The following KANSL1L variants were observed in gnomAD, a reference collection of about 807,000 sequenced individuals.
The protein encoded by KANSL1L is KAT8 regulatory NSL complex subunit 1 like.
In KANSL1L, 25 loss-of-function variants were observed where a neutral mutation model predicts 108.6. That is an observed-to-expected ratio of 0.23 (90% confidence interval 0.17 to 0.32). The LOEUF (loss-of-function observed/expected upper bound fraction) is 0.32, where lower values mean the gene tolerates loss of function less well. KANSL1L is among the 10% of genes least tolerant of loss of function. The pLI is 1.00. For synonymous variants in KANSL1L, 405 were observed against 395.1 expected (o/e 1.03, Z -0.30); for missense variants, 1,137 against 1,125.7 (o/e 1.01, Z -0.14).
At position 210,028,957 on chromosome 2, in the gene KANSL1L, G is replaced by A. The variant is rs969909279; in HGVS notation, c.2284C>T (p.Arg762Trp). The A allele has an allele frequency of 6.8e-6, 11 of 1,610,206 alleles. No homozygotes were observed. Among genetic ancestry groups the A allele is most frequent in the South Asian group, 2.2e-5 (2 of 90,602 alleles). The change falls in exon 11 of 15, where the codon CGG becomes TGG. Residue 762 changes from arginine to tryptophan, a missense_variant. Transcript: ENST00000281772. ...TAAGAGCTCTCACTTCTCAATCTCC[G>A]TCGTGCAGTATTCTGCAAAACAGGA... is the stretch of plus-strand genomic sequence containing the variant. ...IQNSSRNTARRRLRSESSYDI... is the reference protein window; with the variant it reads ...IQNSSRNTARWRLRSESSYDI...
intron 5 of KANSL1L, among the ~76,000 whole-genome samples, chr2:210,089,587 A>C (rs16844119): frequency 0.013 from 2,054 of 152,314 alleles, 59 homozygotes; most frequent in African/African-American, 0.047. Flanking sequence ...AAAATGTCTA[A>C]GTAAACAAAA....
At chr2:210,150,363 T>C (rs2125628750) in intron 2 of KANSL1L, among the ~76,000 whole-genome samples, 1 of 152,356 alleles carries the variant, frequency 6.6e-6, no homozygotes, top group Middle Eastern at 3.4e-3. Context: ...TCATTTGAAT[T>C]TCACCATTTC....
At chr2:210,168,071 C>T (rs1444031173) in intron 1 of KANSL1L, among the ~76,000 whole-genome samples, 1 of 152,084 alleles carries the variant, frequency 6.6e-6, no homozygotes, top group Non-Finnish European at 1.5e-5. Context: ...GATTCAGGGT[C>T]ATCATGATGT....
intron 1 of KANSL1L, among the ~76,000 whole-genome samples, chr2:210,162,622 G>C (rs778100145): frequency 1.3e-5 from 2 of 151,930 alleles, no homozygotes; most frequent in Non-Finnish European, 2.9e-5. Flanking sequence ...TATAAGCAAA[G>C]AGAAAGGAGC....
chr2:210,033,143 G>A (rs1328170641), intron 8 of KANSL1L, among the ~76,000 whole-genome samples: 1 of 152,092 alleles, frequency 6.6e-6, no homozygotes, highest in African/African-American at 2.4e-5. Flanking sequence ...GAAAAGGAGG[G>A]AATAGTTGAA....
At chr2:210,047,141 A>G (rs2094233228) in intron 6 of KANSL1L, among the ~76,000 whole-genome samples, 1 of 152,016 alleles carries the variant, frequency 6.6e-6, no homozygotes, top group Admixed American at 6.5e-5. Flanking sequence ...GCTTCTGTAG[A>G]GAGGGCTGAT....
chr2:210,114,492 G>A (rs769176008), intron 3 of KANSL1L, among the ~76,000 whole-genome samples: 1 of 152,016 alleles, frequency 6.6e-6, no homozygotes, highest in Non-Finnish European at 1.5e-5. Context: ...AATGAAAGAC[G>A]TAGATAGTAA....
chr2:210,093,334 C>T (rs535654640), intron 5 of KANSL1L, among the ~76,000 whole-genome samples: 3 of 152,172 alleles, frequency 2.0e-5, no homozygotes, highest in Non-Finnish European at 2.9e-5. Context: ...TTAGTAGAGG[C>T]GGGGTTTTGC....
chr2:210,068,107 A>G (rs1330681306), intron 6 of KANSL1L, among the ~76,000 whole-genome samples: 1 of 151,952 alleles, frequency 6.6e-6, no homozygotes, highest in Non-Finnish European at 1.5e-5. Flanking sequence ...CAAACTCCTG[A>G]CCTCGTGATC....
In KANSL1L at chr2:210,044,013, G is replaced by A. The variant is rs746952616; in HGVS notation, c.1847C>T (p.Ser616Leu). Reference sequence around the variant, plus strand: ...ATGTTCTCTTAATAGGTAAGACTCCGAATTGTGTTCATAGCTACTCCAAGT... The same window carrying A: ...ATGTTCTCTTAATAGGTAAGACTCCAAATTGTGTTCATAGCTACTCCAAGT... ...ASTWSSYEHN[S>L]ESYLLREHVS... is the part of the protein sequence containing the mutation. Residue 616 changes from serine to leucine, a missense_variant, in exon 7 of 15, where the codon TCG becomes TTG. Transcript: ENST00000281772. The surrounding 1 kb of genome is among the most constrained non-coding windows in gnomAD (Gnocchi z 4.2). 30 of 1,608,804 alleles carry A rather than the reference G, an allele frequency of 1.9e-5. No individual in the cohort carries two copies. Among genetic ancestry groups the A allele is most frequent in the Admixed American group, 5.0e-5 (3 of 59,448 alleles).
chr2:210,145,886 C>CT (rs2095262170), intron 2 of KANSL1L, among the ~76,000 whole-genome samples: 1 of 151,988 alleles, frequency 6.6e-6, no homozygotes, highest in Admixed American at 6.6e-5. Flanking sequence ...GAGCCAAGGC[C>CT]TGGTGTGTGG....
At chr2:210,127,828 C>T (rs1328945965) in intron 3 of KANSL1L, among the ~76,000 whole-genome samples, 2 of 111,078 alleles carry the variant, frequency 1.8e-5, no homozygotes, top group Non-Finnish European at 4.0e-5. Flanking sequence ...AAAAGCAACA[C>T]ATAGAATAGG....
chr2:210,073,896 T>C (rs2094524743), intron 6 of KANSL1L, among the ~76,000 whole-genome samples: 1 of 152,112 alleles, frequency 6.6e-6, no homozygotes, highest in Non-Finnish European at 1.5e-5. Flanking sequence ...ACTGAGCACA[T>C]TCTATCAGAC....
chr2:210,156,233 T>C (rs1488417761), intron 1 of KANSL1L, among the ~76,000 whole-genome samples: 1 of 151,996 alleles, frequency 6.6e-6, no homozygotes. Context: ...AGTTTTCCAA[T>C]CACCAAACTG....
intron 5 of KANSL1L, among the ~76,000 whole-genome samples, chr2:210,087,744 A>T (rs1198946928): frequency 6.6e-6 from 1 of 152,188 alleles, no homozygotes; most frequent in Non-Finnish European, 1.5e-5. Flanking sequence ...AAAATTAACA[A>T]AATAACATCA....
At chr2:210,085,555 T>G (rs188706515) in intron 5 of KANSL1L, among the ~76,000 whole-genome samples, 1 of 152,160 alleles carries the variant, frequency 6.6e-6, no homozygotes, top group African/African-American at 2.4e-5. Flanking sequence ...ATAATTTCTA[T>G]TTTATATTTT....
At chr2:210,131,998 G>C (rs1331966386) in intron 2 of KANSL1L, among the ~76,000 whole-genome samples, 1 of 152,074 alleles carries the variant, frequency 6.6e-6, no homozygotes, top group African/African-American at 2.4e-5. Context: ...AGCCCGGCCT[G>C]AAATAAATTT....
intron 6 of KANSL1L, among the ~76,000 whole-genome samples, chr2:210,058,087 CTT>C (rs2094374766): frequency 1.3e-5 from 2 of 152,350 alleles, no homozygotes; most frequent in South Asian, 4.1e-4. Context: ...CCATATTTCT[CTT>C]CTTTCAAAAG....
chr2:210,075,477 A>G (rs548253071), intron 6 of KANSL1L, 75 bp downstream of exon 6: 3 of 960,830 alleles, frequency 3.1e-6, no homozygotes, highest in South Asian at 2.9e-5. Context: ...CTAAATAACA[A>G]TCTACATCTT....
Sources: allele counts gnomAD v4.1 joint callset (sites outside exome capture counted in the v4.1 genomes callset), GRCh38; gene constraint gnomAD v4.1.1; non-coding constraint Gnocchi (gnomAD v3.1); transcripts MANE v1.5; gene names NCBI Gene and HGNC (gene_info 2026-07-23, HGNC 2026-07-21).